Variants in TAFA2 observed in about 807,000 individuals in gnomAD.
TAFA2 encodes the protein TAFA chemokine like family member 2.
Under a neutral mutation model 18.8 loss-of-function variants are expected in TAFA2, and 7 were observed. The observed-to-expected ratio is 0.37, with a 90% CI of 0.21 to 0.70. TAFA2 has a LOEUF of 0.70. Among genes scored for constraint, TAFA2 ranks in the 30% least tolerant of loss-of-function variants. TAFA2 has a pLI of 0.53. For missense variants in TAFA2, 122 were observed against 158.1 expected, an observed-to-expected ratio of 0.77 and a Z score of 1.23; for synonymous variants, 60 against 54.2, an observed-to-expected ratio of 1.11 and a Z score of -0.47.
At chr12:62,190,312 C>A (rs1382344671) in intron 1 of TAFA2, among the ~76,000 whole-genome samples, 3 of 152,140 alleles carry the variant, frequency 2.0e-5, no homozygotes, top group East Asian at 3.9e-4. Flanking sequence ...GGCGACGGAT[C>A]TCAAACTTTC....
Position 62,125,477 on chromosome 12 carries a change from T to C in TAFA2, c.-2+65782A>G, listed in dbSNP as rs113556421. Among the ~76,000 whole-genome samples, 1,205 of 152,258 alleles carry C rather than the reference T, an allele frequency of 7.9e-3. 18 individuals carry two copies. The highest frequency in any genetic ancestry group is 0.028 in the African/African-American group (1,143 of 41,556). On this transcript the variant is annotated intron_variant, in intron 1 of 4. Transcript: ENST00000416284. ...GACGAAGACACTCATCTTACCGTCGTGAAGAATTTCCTTTCAGAGAGACAT... is the reference window on the plus strand; with the variant it reads ...GACGAAGACACTCATCTTACCGTCGCGAAGAATTTCCTTTCAGAGAGACAT...
At chr12:61,731,490 C>G (rs1263994053) in intron 4 of TAFA2, among the ~76,000 whole-genome samples, 1 of 151,996 alleles carries the variant, frequency 6.6e-6, no homozygotes, top group Non-Finnish European at 1.5e-5. Flanking sequence ...TTGGCTTAGA[C>G]TAGGACCAAA....
intron 2 of TAFA2, among the ~76,000 whole-genome samples, chr12:61,847,221 G>A (rs527963884): frequency 5.9e-5 from 9 of 152,202 alleles, no homozygotes; most frequent in Admixed American, 3.9e-4. Context: ...CCCTCTCTGC[G>A]AATAGATAAG....
intron 1 of TAFA2, among the ~76,000 whole-genome samples, chr12:61,969,487 A>G (rs1050694386): frequency 2.0e-5 from 3 of 151,692 alleles, no homozygotes; most frequent in African/African-American, 7.2e-5. Flanking sequence ...AAATAAAAAT[A>G]CAGGACTTCG....
intron 1 of TAFA2, among the ~76,000 whole-genome samples, chr12:61,881,773 T>A (rs1395666077): frequency 6.6e-6 from 1 of 152,082 alleles, no homozygotes; most frequent in Non-Finnish European, 1.5e-5. Context: ...TTTTTAAATG[T>A]TATCAATTAA....
intron 1 of TAFA2, among the ~76,000 whole-genome samples, chr12:61,970,529 T>TTTTTCC (rs3031099): frequency 6.6e-6 from 1 of 151,218 alleles, no homozygotes; most frequent in Non-Finnish European, 1.5e-5. Context: ...CCAAAAGAAT[T>TTTTTCC]TTCAGAAGTT....
At chr12:61,758,283 T>C (rs1333489704) in intron 2 of TAFA2, among the ~76,000 whole-genome samples, 1 of 151,918 alleles carries the variant, frequency 6.6e-6, no homozygotes. Context: ...GAATGAATCA[T>C]GGGGTCAAGG....
chr12:61,895,382 C>T (rs10747947), intron 1 of TAFA2, among the ~76,000 whole-genome samples: 125,670 of 152,046 alleles, frequency 0.83, 52,470 homozygotes, highest in African/African-American at 0.94. Flanking sequence ...CCTTTCACCA[C>T]CCATAAAGCA....
intron 2 of TAFA2, among the ~76,000 whole-genome samples, chr12:61,757,435 G>T (rs778728201): frequency 6.6e-6 from 1 of 151,984 alleles, no homozygotes; most frequent in Non-Finnish European, 1.5e-5. Context: ...CTGTACTTCT[G>T]TTGGGGCCAT....
At chr12:61,805,277 C>T (rs192745421) in intron 2 of TAFA2, among the ~76,000 whole-genome samples, 144 of 152,088 alleles carry the variant, frequency 9.5e-4, no homozygotes, top group Non-Finnish European at 1.5e-3. Flanking sequence ...AATATATTAG[C>T]AGTTGGCACT....
At chr12:61,725,732 T>C (rs1275596924) in intron 4 of TAFA2, among the ~76,000 whole-genome samples, 6 of 152,094 alleles carry the variant, frequency 3.9e-5, no homozygotes, top group African/African-American at 1.4e-4. Context: ...GCCTCCAAAT[T>C]TGTTGCTTTT....
chr12:62,001,981 A>G (rs994035681), intron 1 of TAFA2, among the ~76,000 whole-genome samples: 8 of 152,158 alleles, frequency 5.3e-5, no homozygotes, highest in African/African-American at 1.7e-4. Context: ...GTTACCAAAA[A>G]ACAAAAGCCA....
chr12:61,795,537 G>A (rs112265416), intron 2 of TAFA2, among the ~76,000 whole-genome samples: 6,925 of 151,824 alleles, frequency 0.046, 503 homozygotes, highest in African/African-American at 0.16. Flanking sequence ...CAATGAGAAC[G>A]CTTGGACACA....
chr12:62,007,604 T>C (rs1880598261), intron 1 of TAFA2, among the ~76,000 whole-genome samples: 1 of 152,204 alleles, frequency 6.6e-6, no homozygotes, highest in African/African-American at 2.4e-5. Context: ...CCCCATTCTG[T>C]AATTTTATAA....
At chr12:62,248,059 G>A (rs1169156624) in intron 1 of TAFA2, among the ~76,000 whole-genome samples, 1 of 152,164 alleles carries the variant, frequency 6.6e-6, no homozygotes, top group African/African-American at 2.4e-5. Context: ...CACATTGAAA[G>A]GTGAGGAGAG....
rs180999816 is a variant in TAFA2 at position 62,010,542 on chromosome 12, A to G, written c.-1-143116T>C. On this transcript the variant is annotated intron_variant, in intron 1 of 4. Coordinates refer to ENST00000416284, the MANE Select transcript of TAFA2 (RefSeq NM_178539.5). ...TTCCAGCCGCCTGCCTTGGCCTCCCAAAGTGCTAAGATTACAGTCTCTGCC... is the reference window on the plus strand; with the variant it reads ...TTCCAGCCGCCTGCCTTGGCCTCCCGAAGTGCTAAGATTACAGTCTCTGCC... Among the ~76,000 whole-genome samples, 378 of 152,300 alleles carry G rather than the reference A, an allele frequency of 2.5e-3. 1 individual carries two copies. Among genetic ancestry groups the G allele is most frequent in the African/African-American group, 8.2e-3 (342 of 41,580 alleles).
chr12:61,767,538 A>C (rs1869842773), intron 2 of TAFA2, among the ~76,000 whole-genome samples: 1 of 152,092 alleles, frequency 6.6e-6, no homozygotes, highest in Admixed American at 6.6e-5. Context: ...CTATAAACAG[A>C]GGAAATCAGT....
intron 1 of TAFA2, among the ~76,000 whole-genome samples, chr12:62,062,701 A>G (rs1592312923): frequency 6.6e-6 from 1 of 152,206 alleles, no homozygotes; most frequent in African/African-American, 2.4e-5. Flanking sequence ...CCAGACTAAT[A>G]TCAAGCTGTC....
At chr12:61,836,756 TACACAC>T (rs58707678) in intron 2 of TAFA2, among the ~76,000 whole-genome samples, 10 of 119,834 alleles carry the variant, frequency 8.3e-5, no homozygotes, top group Non-Finnish European at 1.5e-4. Flanking sequence ...TATATATATA[TACACAC>T]ACACACACAA....
Sources: allele counts gnomAD v4.1 joint callset (sites outside exome capture counted in the v4.1 genomes callset), GRCh38; gene constraint gnomAD v4.1.1; transcripts MANE v1.5; gene names NCBI Gene and HGNC (gene_info 2026-07-23, HGNC 2026-07-21).